Variants in PMEL observed in about 807,000 individuals in gnomAD.
PMEL encodes the protein premelanosome protein.
In PMEL, 53 loss-of-function variants were observed where a neutral mutation model predicts 64.9. The ratio of observed to expected loss-of-function variants is 0.82; its 90% CI spans 0.66 to 1.03. The LOEUF (loss-of-function observed/expected upper bound fraction) is 1.03. PMEL is among the 50% of genes least tolerant of loss of function. The pLI is 0.00. For synonymous variants in PMEL, 299 were observed against 316.2 expected (o/e 0.95, Z 0.58); for missense variants, 716 against 814.9 (o/e 0.88, Z 1.48).
Position 55,955,784 on chromosome 12 carries a change from T to G in PMEL, c.1551A>C (p.Gln517His). 1 of 1,613,912 alleles carries G rather than the reference T, an allele frequency of 6.2e-7. No homozygotes were observed. The highest frequency in any genetic ancestry group is 8.5e-7 in the Non-Finnish European group (1 of 1,179,806). The change falls in exon 8 of 11, where the codon CAA (glutamine) becomes CAC (histidine). Residue 517 changes from glutamine (Q) to histidine (H), a missense_variant. Transcript: ENST00000548747. ...CACACTAGTGAGACACTCACCCGCC[T>G]TGGCAGGACACAGTCAGCTCAAATG... ...GDAFELTVSC[Q>H]GGLPKEACME...
At position 55,957,862 on chromosome 12, in the gene PMEL, A is replaced by G. The variant is rs1327941775; in HGVS notation, c.631+61T>C. On this transcript the variant is annotated intron_variant, in intron 5 of 10. Coordinates refer to ENST00000548747, the MANE Select transcript of PMEL (RefSeq NM_001384361.1). ...ATTTCACCTTTCTCCTTTCCAGTCC[A>G]TCCAAGCCTCCCTGCCTTCTCTTGC... The G allele has an allele frequency of 3.7e-5, 59 of 1,595,988 alleles. 1 individual carries two copies. The Middle Eastern group carries it at 6.7e-4, about 18-fold the overall frequency.
intron 1 of PMEL, 39 bp downstream of exon 1, chr12:55,965,897 C>T: frequency 6.2e-7 from 1 of 1,613,356 alleles, no homozygotes; most frequent in Non-Finnish European, 8.5e-7. Flanking sequence ...AATTCATCCC[C>T]AAGTTCACAC....
rs748889809 is a variant in PMEL at position 55,958,621 on chromosome 12, A to G, written c.335-14T>C. 29 of 1,611,768 alleles carry G rather than the reference A, an allele frequency of 1.8e-5. No individual in the cohort carries two copies. The highest frequency in any genetic ancestry group is 8.5e-7 in the Non-Finnish European group (1 of 1,179,190). Reference sequence around the variant, plus strand: ...ACACCTGGCTCCCTGAAAGATAAATACAGAGTCACTCTCAAACCCTGGCAT... The same window carrying G: ...ACACCTGGCTCCCTGAAAGATAAATGCAGAGTCACTCTCAAACCCTGGCAT... On this transcript the variant is annotated splice_polypyrimidine_tract_variant and intron_variant, in intron 3 of 10. Transcript: ENST00000548747.
chr12:55,966,194 T>C, upstream of PMEL: 1 of 864,530 alleles, frequency 1.2e-6, no homozygotes, highest in Non-Finnish European at 1.7e-6. Context: ...TGCTTTCCCA[T>C]CCTGCTACTC....
In PMEL at chr12:55,955,304, A is replaced by G. The variant is rs1401908231; in HGVS notation, c.1820T>C (p.Met607Thr). 5.0e-6 allele frequency: 8 copies of G among 1,613,518 alleles called. No homozygotes were observed. The African/African-American group carries it at 8.1e-5, about 16-fold the overall frequency. ...PLIVGILLVL[M>T]AVVLASLIYR... ...TATCAGAGATGCAAGGACCACAGCC[A>G]TCAACACCAGCAAGATGCCCACGAT... is the stretch of plus-strand genomic sequence containing the variant. Residue 607 changes from methionine (M) to threonine (T), a missense_variant, in exon 10 of 11, where the codon ATG (methionine) becomes ACG (threonine). Met to Thr is a moderately conservative substitution (Grantham distance 81). Coordinates refer to ENST00000548747, the MANE Select transcript of PMEL (RefSeq NM_001384361.1).
chr12:55,958,849 A>T, intron 3 of PMEL, among the ~76,000 whole-genome samples: 1 of 151,834 alleles, frequency 6.6e-6, no homozygotes, highest in East Asian at 1.9e-4. Flanking sequence ...TGGTGTGATC[A>T]CAGCTCACTG....
rs1273442929 is a variant in PMEL, at chr12:55,955,465, A to G, written c.1761T>C (p.Pro587=). The change falls in exon 9 of 11, where the codon CCT becomes CCC. Residue 587 remains proline, a splice_region_variant and synonymous_variant. Coordinates refer to ENST00000548747, the MANE Select transcript of PMEL (RefSeq NM_001384361.1). ...CTTAGCTCTTGTCCAAGGACCTACC[A>G]GGCATGATAAGCTGGGTGCTGACCA... ...LAVVSTQLIM[P]GQEAGLGQVP... is the part of the protein sequence containing the mutation. The G allele has an allele frequency of 6.2e-7, 1 of 1,613,834 alleles. No individual in the cohort carries two copies. The highest frequency in any genetic ancestry group is 1.3e-5 in the African/African-American group (1 of 74,892).
At chr12:55,964,000 T>A (rs76705407) in intron 1 of PMEL, among the ~76,000 whole-genome samples, 1 of 152,090 alleles carries the variant, frequency 6.6e-6, no homozygotes, top group African/African-American at 2.4e-5. Flanking sequence ...CCCTTTCCTT[T>A]CCTTTTGATA....
chr12:55,957,504 C>G lies in PMEL; in HGVS notation c.799G>C (p.Gly267Arg). 6.2e-7 allele frequency: 1 copy of G among 1,613,964 alleles called. No individual in the cohort carries two copies. The highest frequency in any genetic ancestry group is 8.5e-7 in the Non-Finnish European group (1 of 1,180,008). The change falls in exon 6 of 11, where the codon GGA becomes CGA. Residue 267 changes from glycine (G) to arginine (R), a missense_variant. Coordinates refer to ENST00000548747, the MANE Select transcript of PMEL (RefSeq NM_001384361.1). Reference sequence around the variant, plus strand: ...ACAAGTGCCCGAGAGATCAGGGTTCCACTACTGTCTCCAAAGTCCCAGGTG... The same window carrying G: ...ACAAGTGCCCGAGAGATCAGGGTTCGACTACTGTCTCCAAAGTCCCAGGTG... ...SYTWDFGDSS[G>R]TLISRALVVT... is the part of the protein sequence containing the mutation.
At chr12:55,958,116 A>T (rs761228420) in intron 4 of PMEL, 32 bp from the exon 5 acceptor site, 1 of 1,611,702 alleles carries the variant, frequency 6.2e-7, no homozygotes, top group Non-Finnish European at 8.5e-7. Context: ...GCAAGGAAGA[A>T]GAGATTACTG....
Position 55,957,224 on chromosome 12 carries a change from C to G in PMEL, c.1079G>C (p.Ser360Thr). The G allele has an allele frequency of 6.2e-7, 1 of 1,614,172 alleles. No individual in the cohort carries two copies. Among genetic ancestry groups the G allele is most frequent in the Non-Finnish European group, 8.5e-7 (1 of 1,180,022 alleles). ...AGTTGGCATCTGCACAGGTGCAGTGCTTATGACTTCAGTGGTTGGCACCTG... is the reference window on the plus strand; with the variant it reads ...AGTTGGCATCTGCACAGGTGCAGTGGTTATGACTTCAGTGGTTGGCACCTG... ...SVQVPTTEVISTAPVQMPTAE... is the reference protein window; with the variant it reads ...SVQVPTTEVITTAPVQMPTAE... The change falls in exon 6 of 11, where the codon AGC becomes ACC. Residue 360 changes from serine to threonine, a missense_variant. Transcript: ENST00000548747.
intron 1 of PMEL, among the ~76,000 whole-genome samples, chr12:55,962,849 G>C (rs1388840220): frequency 6.6e-6 from 1 of 151,158 alleles, no homozygotes; most frequent in East Asian, 2.0e-4. Context: ...TTTAAATCAA[G>C]ACATAATTCA....
chr12:55,956,131 A>G lies in PMEL; in HGVS notation c.1443T>C (p.Gly481=), dbSNP rs980280294. 1 of 1,613,478 alleles carries G rather than the reference A, an allele frequency of 6.2e-7. No homozygotes were observed. The highest frequency in any genetic ancestry group is 8.5e-7 in the Non-Finnish European group (1 of 1,179,372). ...VPLDCVLYRY[G]SFSVTLDIVQ... ...CAATGTCCAGGGTGACGGAAAAGGA[A>G]CCATATCGATACAGAACACAATCCA... The change falls in exon 7 of 11, where the codon GGT becomes GGC. Residue 481 remains glycine (G), a synonymous_variant. Coordinates refer to ENST00000548747, the MANE Select transcript of PMEL (RefSeq NM_001384361.1).
At position 55,957,466 on chromosome 12, in the gene PMEL, A is replaced by G. The variant is rs199915008; in HGVS notation, c.837T>C (p.Thr279=). The G allele has an allele frequency of 1.9e-4, 301 of 1,614,008 alleles. No homozygotes were observed. Among genetic ancestry groups the G allele is most frequent in the Non-Finnish European group, 2.2e-4 (265 of 1,179,970 alleles). The change falls in exon 6 of 11, where the codon ACT becomes ACC. Residue 279 remains threonine (T), a synonymous_variant. Transcript: ENST00000548747. ...CAGTGACTGGGCCAGGCTCCAGGTA[A>G]GTATGAGTGACCACAAGTGCCCGAG... is the stretch of plus-strand genomic sequence containing the variant. ...LISRALVVTH[T]YLEPGPVTAQ... is the part of the protein sequence containing the mutation.
At chr12:55,964,149 A>ATTT (rs61298793) in intron 1 of PMEL, among the ~76,000 whole-genome samples, 1 of 135,546 alleles carries the variant, frequency 7.4e-6, no homozygotes. Flanking sequence ...AGCCTGGCTA[A>ATTT]TTTTTTTTTT....
At chr12:55,957,900 C>G in intron 5 of PMEL, 23 bp downstream of exon 5, 1 of 1,613,162 alleles carries the variant, frequency 6.2e-7, no homozygotes, top group South Asian at 1.1e-5. Flanking sequence ...TACAACTGGC[C>G]TTGCCCCTTC....
At chr12:55,963,018 G>A (rs533675459) in intron 1 of PMEL, among the ~76,000 whole-genome samples, 7 of 151,982 alleles carry the variant, frequency 4.6e-5, no homozygotes, top group Admixed American at 2.0e-4. Flanking sequence ...TTAGCCGGGC[G>A]TGGTAGTGGG....
intron 5 of PMEL, 109 bp downstream of exon 5, chr12:55,957,814 C>G (rs1888950151): frequency 6.6e-7 from 1 of 1,518,556 alleles, no homozygotes; most frequent in East Asian, 2.3e-5. Flanking sequence ...CTTCCTGGCC[C>G]TTCTACTTTA....
At chr12:55,964,424 T>C (rs560270671) in intron 1 of PMEL, among the ~76,000 whole-genome samples, 23 of 151,480 alleles carry the variant, frequency 1.5e-4, no homozygotes, top group Non-Finnish European at 3.1e-4. Context: ...TCTCGCAAAG[T>C]GCTGGGATTA....
Sources: allele counts gnomAD v4.1 joint callset (sites outside exome capture counted in the v4.1 genomes callset), GRCh38; gene constraint gnomAD v4.1.1; transcripts MANE v1.5; gene names NCBI Gene and HGNC (gene_info 2026-07-23, HGNC 2026-07-21).